The following UIMC1 variants were observed in gnomAD, a reference collection of about 807,000 sequenced individuals.
UIMC1 encodes the protein ubiquitin interaction motif containing 1, also known as BRCA1-A complex subunit RAP80.
Under a neutral mutation model 84.9 loss-of-function variants are expected in UIMC1, and 42 were observed. That is an observed-to-expected ratio of 0.49 (90% confidence interval 0.39 to 0.64). The LOEUF (loss-of-function observed/expected upper bound fraction) is 0.64. UIMC1 is among the 30% of genes least tolerant of loss of function. The pLI is 0.00. For missense variants in UIMC1, 825 were observed against 847.6 expected, an observed-to-expected ratio of 0.97 and a Z score of 0.33; for synonymous variants, 281 against 293.0, an observed-to-expected ratio of 0.96 and a Z score of 0.42.
At chr5:176,990,800 G>A (rs1257792197) in intron 1 of UIMC1, among the ~76,000 whole-genome samples, 2 of 151,668 alleles carry the variant, frequency 1.3e-5, no homozygotes, top group African/African-American at 2.4e-5. Context: ...CAGCTTCCCA[G>A]GTAGGTAGGA....
chr5:176,988,120 C>T (rs1023919941), intron 1 of UIMC1, among the ~76,000 whole-genome samples: 3 of 120,946 alleles, frequency 2.5e-5, no homozygotes, highest in Non-Finnish European at 4.9e-5. Flanking sequence ...TGACAGACTA[C>T]GCCCCTGTCC....
chr5:176,941,054 C>T (rs373646776), intron 10 of UIMC1, among the ~76,000 whole-genome samples: 48 of 152,228 alleles, frequency 3.2e-4, no homozygotes, highest in African/African-American at 1.1e-3. Flanking sequence ...CAAAATACAG[C>T]GACAATTTTA....
At chr5:177,005,719 G>A (rs921114405) in intron 1 of UIMC1, among the ~76,000 whole-genome samples, 1 of 151,670 alleles carries the variant, frequency 6.6e-6, no homozygotes, top group African/African-American at 2.4e-5. Context: ...CCCTTGACAG[G>A]AAAACAATAA....
At chr5:176,923,721 G>A (rs775306652) in intron 10 of UIMC1, among the ~76,000 whole-genome samples, 2 of 150,730 alleles carry the variant, frequency 1.3e-5, no homozygotes, top group Admixed American at 6.6e-5. Context: ...AAAATTAGCC[G>A]GCCATGGTGG....
chr5:176,986,322 T>G (rs1420479764), intron 1 of UIMC1, among the ~76,000 whole-genome samples: 2 of 122,440 alleles, frequency 1.6e-5, no homozygotes, highest in Non-Finnish European at 1.6e-5. Flanking sequence ...ATTGTGCCAC[T>G]GCACTCCGGC....
intron 2 of UIMC1, among the ~76,000 whole-genome samples, chr5:176,978,502 A>T (rs1043256782): frequency 6.6e-6 from 1 of 152,142 alleles, no homozygotes; most frequent in East Asian, 1.9e-4. Flanking sequence ...AAAAAATAAT[A>T]AGCTTTCCTT....
rs139428437 is a variant in UIMC1, at chr5:176,945,907, T to C, written c.1444-2419A>G. 2.1e-3 allele frequency among the ~76,000 whole-genome samples: 327 copies of C among 152,348 alleles called. 3 individuals carry two copies. The highest frequency in any genetic ancestry group is 7.3e-3 in the African/African-American group (305 of 41,582). On this transcript the variant is annotated intron_variant, in intron 9 of 14. Transcript: ENST00000511320. ...TTGTGTTTCTGTTTTAAGGCTCTGT[T>C]AGAAATTACTGAGGAACATACTATA...
intron 10 of UIMC1, among the ~76,000 whole-genome samples, chr5:176,942,219 A>G (rs1393450910): frequency 6.7e-6 from 1 of 150,108 alleles, no homozygotes; most frequent in Non-Finnish European, 1.5e-5. Context: ...ATGAATGTAA[A>G]TTAGTGATAT....
intron 1 of UIMC1, among the ~76,000 whole-genome samples, chr5:176,990,024 C>G (rs759957213): frequency 5.3e-5 from 8 of 151,630 alleles, no homozygotes; most frequent in Non-Finnish European, 1.2e-4. Context: ...ACTAAAAATA[C>G]AAAAAAATTA....
At chr5:176,922,330 A>C (rs4976633) in intron 10 of UIMC1, among the ~76,000 whole-genome samples, 13 of 152,206 alleles carry the variant, frequency 8.5e-5, no homozygotes, top group Non-Finnish European at 1.9e-4. Flanking sequence ...TAGTTAAACA[A>C]CACAGTGATC....
intron 1 of UIMC1, chr5:177,006,218 C>G (rs1159084950): frequency 6.6e-6 from 1 of 152,272 alleles, no homozygotes; most frequent in African/African-American, 2.4e-5. Context: ...GGTGCAAAGC[C>G]CAACCTGGCG....
At chr5:176,931,039 A>G (rs1763020474) in intron 10 of UIMC1, among the ~76,000 whole-genome samples, 1 of 152,232 alleles carries the variant, frequency 6.6e-6, no homozygotes, top group African/African-American at 2.4e-5. Context: ...GGCAGAAAGA[A>G]CACAGTAATG....
intron 1 of UIMC1, among the ~76,000 whole-genome samples, chr5:176,989,455 T>C (rs763039983): frequency 3.3e-5 from 5 of 151,064 alleles, no homozygotes; most frequent in Non-Finnish European, 7.4e-5. Context: ...AGGACAAGAG[T>C]TTGAGACCAG....
chr5:176,988,595 G>A (rs897970213), intron 1 of UIMC1, among the ~76,000 whole-genome samples: 1 of 151,798 alleles, frequency 6.6e-6, no homozygotes, highest in Non-Finnish European at 1.5e-5. Flanking sequence ...ATTAGAAAGT[G>A]GTAATTGCAC....
At chr5:176,953,220 C>T (rs892410912) in intron 8 of UIMC1, among the ~76,000 whole-genome samples, 1 of 152,074 alleles carries the variant, frequency 6.6e-6, no homozygotes, top group African/African-American at 2.4e-5. Flanking sequence ...TGCTTATAAC[C>T]CACTCAGTCT....
upstream of UIMC1, among the ~76,000 whole-genome samples, chr5:177,007,346 A>G (rs1473954305): frequency 6.6e-5 from 10 of 151,560 alleles, no homozygotes; most frequent in Non-Finnish European, 1.3e-4. Context: ...GTCTCAAAAA[A>G]AAAAAAAAAA....
intron 11 of UIMC1, among the ~76,000 whole-genome samples, chr5:176,909,276 G>C (rs977224086): frequency 6.6e-6 from 1 of 152,162 alleles, no homozygotes; most frequent in Non-Finnish European, 1.5e-5. Flanking sequence ...TTTTTTAAAA[G>C]AGCAGAGTTT....
chr5:176,979,283 GAGA>G (rs1254337454), intron 2 of UIMC1, among the ~76,000 whole-genome samples: 1 of 152,122 alleles, frequency 6.6e-6, no homozygotes, highest in East Asian at 1.9e-4. Flanking sequence ...AAACTGTAAG[GAGA>G]AACATGGGAA....
intron 10 of UIMC1, among the ~76,000 whole-genome samples, chr5:176,927,162 A>C (rs564743467): frequency 1.3e-4 from 20 of 151,728 alleles, no homozygotes; most frequent in African/African-American, 4.6e-4. Flanking sequence ...CAGGAGTTCA[A>C]GAACAGCCTG....
Sources: gnomAD v4.1 joint callset for allele counts (sites outside exome capture counted in the v4.1 genomes callset) on GRCh38, gnomAD v4.1.1 for gene constraint, MANE v1.5 for transcripts, NCBI Gene and HGNC (gene_info 2026-07-23, HGNC 2026-07-21) for gene names.